The following KLHL6 variants were observed in gnomAD, a reference collection of about 807,000 sequenced individuals.
KLHL6 encodes kelch-like protein 6.
Under a neutral mutation model 58.6 loss-of-function variants are expected in KLHL6, and 41 were observed. The ratio of observed to expected loss-of-function variants is 0.70; its 90% CI spans 0.55 to 0.91. The LOEUF is 0.91. Ranked by LOEUF, KLHL6 falls within the 40% of genes least tolerant of loss-of-function variation. The pLI is 0.00. For missense variants in KLHL6, 714 were observed against 805.6 expected (o/e 0.89, Z 1.38); for synonymous variants, 338 against 322.7 (o/e 1.05, Z -0.51).
intron 2 of KLHL6, among the ~76,000 whole-genome samples, chr3:183,509,562 T>C (rs1465481846): frequency 6.6e-6 from 1 of 152,226 alleles, no homozygotes; most frequent in African/African-American, 2.4e-5. Context: ...GGGCTTACAA[T>C]AAATGTTCCT....
chr3:183,492,542 C>T lies in KLHL6; in HGVS notation c.1516G>A (p.Ala506Thr). Residue 506 changes from alanine (A) to threonine (T), a missense_variant, in exon 6 of 7, where the codon GCT becomes ACT. Around this residue, in one of 2 missense-constraint regions of KLHL6, gnomAD observed 510 missense variants for 629.7 expected, o/e 0.81. Coordinates refer to ENST00000341319, the MANE Select transcript of KLHL6 (RefSeq NM_130446.4). The surrounding 1 kb of genome is among the most constrained non-coding windows in gnomAD (Gnocchi z 5.9). ...WSLKAAMPVEAKCINAVSFRD... is the reference protein window; with the variant it reads ...WSLKAAMPVETKCINAVSFRD... ...AAACTCACTGCATTGATGCATTTAG[C>T]CTCCACGGGCATGGCCGCCTTCAAA... 1 of 1,614,236 alleles carries T rather than the reference C, an allele frequency of 6.2e-7. No homozygotes were observed. The highest frequency in any genetic ancestry group is 8.5e-7 in the Non-Finnish European group (1 of 1,180,040).
At chr3:183,534,078 A>AAAGGTACTTTACTTTT (rs1712251684) in intron 1 of KLHL6, among the ~76,000 whole-genome samples, 1 of 136,380 alleles carries the variant, frequency 7.3e-6, no homozygotes, top group Non-Finnish European at 1.6e-5. Context: ...ACCAGCCTTT[A>AAAGGTACTTTACTTTT]AAAGTACTTT....
chr3:183,503,722 T>C (rs1339426586), intron 3 of KLHL6, among the ~76,000 whole-genome samples: 1 of 152,084 alleles, frequency 6.6e-6, no homozygotes, highest in Non-Finnish European at 1.5e-5. Context: ...GAGGTTGCAG[T>C]GAGCCGAGAT....
chr3:183,510,043 C>G (rs1200404906), intron 2 of KLHL6, among the ~76,000 whole-genome samples: 2 of 152,054 alleles, frequency 1.3e-5, no homozygotes, highest in Non-Finnish European at 2.9e-5. Flanking sequence ...AATTCAAGTC[C>G]CTTGTGCTTG....
At chr3:183,526,552 G>A (rs1000998152) in intron 2 of KLHL6, among the ~76,000 whole-genome samples, 2 of 152,090 alleles carry the variant, frequency 1.3e-5, no homozygotes, top group Non-Finnish European at 2.9e-5. Flanking sequence ...GAGTACAATC[G>A]CTTCAGAAAG....
chr3:183,498,025 G>A (rs1184881978), intron 4 of KLHL6, among the ~76,000 whole-genome samples: 1 of 152,024 alleles, frequency 6.6e-6, no homozygotes, highest in Non-Finnish European at 1.5e-5. Flanking sequence ...CACAAGGTCA[G>A]GAGTTCAAGA....
intron 2 of KLHL6, chr3:183,521,048 C>T (rs553317765): frequency 6.6e-6 from 1 of 152,248 alleles, no homozygotes; most frequent in Non-Finnish European, 1.5e-5. Flanking sequence ...GTCCCTGTGA[C>T]CTTCCGCAGT....
intron 1 of KLHL6, among the ~76,000 whole-genome samples, chr3:183,552,981 G>C (rs1260849007): frequency 2.0e-5 from 3 of 152,152 alleles, no homozygotes; most frequent in Admixed American, 1.3e-4. Context: ...GAGTGGACTA[G>C]AGTATGTGAT....
At chr3:183,511,344 G>C (rs1008657390) in intron 2 of KLHL6, among the ~76,000 whole-genome samples, 9 of 152,244 alleles carry the variant, frequency 5.9e-5, no homozygotes, top group African/African-American at 2.2e-4. Context: ...TCCCGCCACA[G>C]GGCGGTTTTT....
chr3:183,492,109 T>C lies in KLHL6; in HGVS notation c.1684A>G (p.Ile562Val). Reference protein sequence around the residue: ...GIAPCNNRLYITGGRDEKNEV... With the variant: ...GIAPCNNRLYVTGGRDEKNEV... ...TTCTTCTCGTCCCGCCCGCCGGTGA[T>C]GTAGAGCCGGTTGTTGCAGGGCGCG... Residue 562 changes from isoleucine to valine, a missense_variant, in exon 7 of 7, where the codon ATC (isoleucine) becomes GTC (valine). Transcript: ENST00000341319. This position sits in a 1 kb window ranked among gnomAD's most constrained non-coding sequence, Gnocchi z 5.9. 6.2e-7 allele frequency: 1 copy of C among 1,613,884 alleles called. No homozygotes were observed. Among genetic ancestry groups the C allele is most frequent in the Non-Finnish European group, 8.5e-7 (1 of 1,180,018 alleles).
At chr3:183,516,265 A>G (rs1401922911) in intron 2 of KLHL6, among the ~76,000 whole-genome samples, 2 of 152,206 alleles carry the variant, frequency 1.3e-5, no homozygotes, top group Admixed American at 1.3e-4. Flanking sequence ...TGGGAAACTG[A>G]TGATGCGCAG....
intron 2 of KLHL6, among the ~76,000 whole-genome samples, chr3:183,526,486 GAAGCCCACAGC>G (rs954955976): frequency 6.6e-6 from 1 of 152,094 alleles, no homozygotes; most frequent in African/African-American, 2.4e-5. Flanking sequence ...TAGATATTTG[GAAGCCCACAGC>G]AATCTTCTCT....
chr3:183,533,346 C>A (rs1712221727), intron 1 of KLHL6, among the ~76,000 whole-genome samples: 1 of 150,484 alleles, frequency 6.6e-6, no homozygotes, highest in South Asian at 2.1e-4. Flanking sequence ...TTCTTCCTTT[C>A]TTTCTCTTCC....
chr3:183,519,046 G>C (rs1035290851), intron 2 of KLHL6, among the ~76,000 whole-genome samples: 1 of 152,220 alleles, frequency 6.6e-6, no homozygotes, highest in Non-Finnish European at 1.5e-5. Context: ...TGATCGCCGA[G>C]CTGAAAGCAG....
rs1712544012 is a variant in KLHL6, at chr3:183,541,310, G to C, written c.294-13300C>G. 2.0e-5 allele frequency among the ~76,000 whole-genome samples: 3 copies of C among 152,212 alleles called. No individual in the cohort carries two copies. The South Asian group carries it at 6.2e-4, about 32-fold the overall frequency. ...GGGCTTTCATGATACAGAATCCAGA[G>C]GGAAAGGGACAGAAGACAGGAGCTC... On this transcript the variant is annotated intron_variant, in intron 1 of 6. Coordinates refer to ENST00000341319, the MANE Select transcript of KLHL6 (RefSeq NM_130446.4).
At chr3:183,529,979 C>T (rs947680539) in intron 1 of KLHL6, among the ~76,000 whole-genome samples, 7 of 151,992 alleles carry the variant, frequency 4.6e-5, no homozygotes, top group Non-Finnish European at 1.0e-4. Flanking sequence ...GAGGACTCAG[C>T]GAGAAGGTGG....
At chr3:183,497,593 C>G (rs1717749638) in intron 4 of KLHL6, among the ~76,000 whole-genome samples, 2 of 152,062 alleles carry the variant, frequency 1.3e-5, no homozygotes, top group Non-Finnish European at 2.9e-5. Context: ...GGAATGTGAG[C>G]AAAATTGATG....
chr3:183,555,376 G>A lies in KLHL6; in HGVS notation c.278C>T (p.Ala93Val). 1.2e-6 allele frequency: 2 copies of A among 1,613,962 alleles called. No individual in the cohort carries two copies. The highest frequency in any genetic ancestry group is 1.7e-6 in the Non-Finnish European group (2 of 1,179,922). Residue 93 changes from alanine (A) to valine (V), a missense_variant, in exon 1 of 7, where the codon GCC becomes GTC. Ala to Val is a moderately conservative substitution (Grantham distance 64). Coordinates refer to ENST00000341319, the MANE Select transcript of KLHL6 (RefSeq NM_130446.4). ...FSCHRVVLAAASNYFRAMFCN... is the reference protein window; with the variant it reads ...FSCHRVVLAAVSNYFRAMFCN... ...GCATGCTGACCTGAAATAGTTGCTGGCTGCGGCAAGCACCACGCGGTGGCA... is the reference window on the plus strand; with the variant it reads ...GCATGCTGACCTGAAATAGTTGCTGACTGCGGCAAGCACCACGCGGTGGCA...
At chr3:183,527,772 C>G in intron 2 of KLHL6, 73 bp downstream of exon 2, 1 of 1,410,708 alleles carries the variant, frequency 7.1e-7, no homozygotes. Context: ...GGAGCTAGAC[C>G]AGGTCTGGCC....
Sources: allele counts gnomAD v4.1 joint callset (sites outside exome capture counted in the v4.1 genomes callset), GRCh38; gene constraint gnomAD v4.1.1; regional missense constraint gnomAD v4.1.1; non-coding constraint Gnocchi (gnomAD v3.1); transcripts MANE v1.5; gene names NCBI Gene and HGNC (gene_info 2026-07-23, HGNC 2026-07-21).